Variants in CACNA2D2 observed in about 807,000 individuals in gnomAD.
The protein encoded by CACNA2D2 is calcium voltage-gated channel auxiliary subunit alpha2delta 2.
Under a neutral mutation model 166.4 loss-of-function variants are expected in CACNA2D2, and 48 were observed. The observed-to-expected ratio is 0.29, with a 90% CI of 0.23 to 0.37. CACNA2D2 has a LOEUF of 0.37. CACNA2D2 is among the 10% of genes least tolerant of loss of function. The pLI, the probability that CACNA2D2 is intolerant of heterozygous loss-of-function variation, is 1.00. For missense variants in CACNA2D2, 1,122 were observed against 1,433.0 expected (o/e 0.78, Z 3.50); for synonymous variants, 561 against 573.7 (o/e 0.98, Z 0.32).
At chr3:50,468,566 G>A (rs1315798729) in intron 2 of CACNA2D2, among the ~76,000 whole-genome samples, 2 of 152,090 alleles carry the variant, frequency 1.3e-5, no homozygotes, top group African/African-American at 4.8e-5. Context: ...TCCAGGCAGA[G>A]CAGTGCTGTC....
intron 3 of CACNA2D2, among the ~76,000 whole-genome samples, chr3:50,424,196 C>G (rs191365972): frequency 6.6e-6 from 1 of 152,316 alleles, no homozygotes; most frequent in East Asian, 1.9e-4. Context: ...ACCTTCTATG[C>G]TCTGGTTCTG....
In CACNA2D2 at chr3:50,478,776, A is replaced by G. The variant is rs557618912; in HGVS notation, c.207-2577T>C. The stretch of plus-strand genomic sequence containing the variant: ...AGCTGATTCTGTGCACCTCTTTCCA[A>G]CTCTGCATTTGGTACCATCACCTGA... On this transcript the variant is annotated intron_variant, in intron 1 of 37. Transcript: ENST00000424201. Among the ~76,000 whole-genome samples, 6 of 152,230 alleles carry G rather than the reference A, an allele frequency of 3.9e-5. No individual in the cohort carries two copies. In the East Asian group the frequency reaches 1.2e-3, roughly 29 times the overall value.
At chr3:50,461,699 TGC>T (rs995228070) in intron 2 of CACNA2D2, among the ~76,000 whole-genome samples, 3 of 140,746 alleles carry the variant, frequency 2.1e-5, no homozygotes, top group African/African-American at 8.0e-5. Context: ...AGGCAGAGGT[TGC>T]GGTGAGCCGA....
intron 3 of CACNA2D2, among the ~76,000 whole-genome samples, chr3:50,411,981 C>T (rs1287467063): frequency 6.6e-6 from 1 of 152,144 alleles, no homozygotes; most frequent in Non-Finnish European, 1.5e-5. Flanking sequence ...CCCCAAACAC[C>T]TTCCCATGGC....
intron 2 of CACNA2D2, among the ~76,000 whole-genome samples, chr3:50,445,304 G>A (rs1476905216): frequency 2.0e-5 from 3 of 152,202 alleles, no homozygotes; most frequent in African/African-American, 7.2e-5. Flanking sequence ...CAGGGTCCCA[G>A]GAGAGCCCAG....
chr3:50,495,262 G>A (rs970596122), intron 1 of CACNA2D2, among the ~76,000 whole-genome samples: 1 of 152,192 alleles, frequency 6.6e-6, no homozygotes, highest in East Asian at 1.9e-4. Context: ...CCAAGGAGAC[G>A]GTTGCACCCA....
At chr3:50,444,276 G>A (rs1708740882) in intron 2 of CACNA2D2, among the ~76,000 whole-genome samples, 1 of 152,226 alleles carries the variant, frequency 6.6e-6, no homozygotes, top group African/African-American at 2.4e-5. Context: ...TCATCTTACA[G>A]ATGAGGATAC....
At chr3:50,446,611 G>C (rs1431640322) in intron 2 of CACNA2D2, among the ~76,000 whole-genome samples, 1 of 152,154 alleles carries the variant, frequency 6.6e-6, no homozygotes, top group Non-Finnish European at 1.5e-5. Context: ...AAGTCAGCGG[G>C]GTCAGCTGAG....
At chr3:50,417,751 C>T (rs1665211469) in intron 3 of CACNA2D2, among the ~76,000 whole-genome samples, 2 of 152,204 alleles carry the variant, frequency 1.3e-5, no homozygotes, top group Non-Finnish European at 2.9e-5. Context: ...TGTCCTCTGG[C>T]ACCTATGACA....
Position 50,364,471 on chromosome 3 carries a change from G to A in CACNA2D2, c.*195C>T. The stretch of plus-strand genomic sequence containing the variant: ...ACAGTTCGGAGGTGAGATGTGATTT[G>A]GGTGCCAAACACCTGCGGCGTCCCG... On this transcript the variant is annotated 3_prime_UTR_variant, in exon 38 of 38. Coordinates refer to ENST00000424201, the MANE Select transcript of CACNA2D2 (RefSeq NM_006030.4). The A allele has an allele frequency of 1.6e-6, 1 of 638,504 alleles. No homozygotes were observed. The highest frequency in any genetic ancestry group is 3.1e-5 in the Admixed American group (1 of 31,914). The allele number at this position is 638,504 out of a possible 1,614,324, so 39.6% of individuals were successfully genotyped here.
At chr3:50,439,445 C>T in intron 2 of CACNA2D2, among the ~76,000 whole-genome samples, 1 of 152,266 alleles carries the variant, frequency 6.6e-6, no homozygotes, top group East Asian at 1.9e-4. Flanking sequence ...CTTGGCCCTG[C>T]TGCCAGCTGT....
In CACNA2D2 at chr3:50,363,430, G is replaced by A. The variant is rs1704034536; in HGVS notation, c.*1236C>T. 5.0e-6 allele frequency: 2 copies of A among 396,310 alleles called. No homozygotes were observed. The highest frequency in any genetic ancestry group is 2.9e-4 in the South Asian group (2 of 7,000). 24.5% of individuals were successfully genotyped at this position (396,310 alleles called of 1,614,324 possible). A position where few individuals can be genotyped will look rare whatever the true frequency, so the allele number is the denominator to read the frequency against. ...GGGATGCCTTTGGGGGAAATGACCA[G>A]AATGAATGGTGTGAAGAGCTGTGCC... On this transcript the variant is annotated 3_prime_UTR_variant, in exon 38 of 38. Coordinates refer to ENST00000424201, the MANE Select transcript of CACNA2D2 (RefSeq NM_006030.4).
intron 2 of CACNA2D2, among the ~76,000 whole-genome samples, chr3:50,444,718 A>G (rs1708762378): frequency 6.6e-6 from 1 of 152,250 alleles, no homozygotes; most frequent in Admixed American, 6.5e-5. Flanking sequence ...TGAGGCCCTC[A>G]GGCTGGCTGC....
intron 2 of CACNA2D2, among the ~76,000 whole-genome samples, chr3:50,457,251 AAAACAAAC>A (rs940141989): frequency 6.6e-5 from 10 of 152,110 alleles, no homozygotes; most frequent in Non-Finnish European, 1.5e-4. Flanking sequence ...CTCTGTCTCA[AAAACAAAC>A]AAACAAACAA....
chr3:50,399,954 G>A (rs1323276548), intron 3 of CACNA2D2, among the ~76,000 whole-genome samples: 1 of 152,168 alleles, frequency 6.6e-6, no homozygotes, highest in South Asian at 2.1e-4. Flanking sequence ...GGCCACGGGA[G>A]GGGACAAGTA....
At position 50,367,259 on chromosome 3, in the gene CACNA2D2, C is replaced by T; in HGVS notation, c.2401+135G>A. On this transcript the variant is annotated intron_variant, in intron 27 of 37. Transcript: ENST00000424201. This position sits in a 1 kb window ranked among gnomAD's most constrained non-coding sequence, Gnocchi z 6.5. ...ACAGTGTTTGGCACAGTCTATCCCTCTTTTCACGTCTGCCCTGGCCTCAGC... is the reference window on the plus strand; with the variant it reads ...ACAGTGTTTGGCACAGTCTATCCCTTTTTTCACGTCTGCCCTGGCCTCAGC... 9.9e-7 allele frequency: 1 copy of T among 1,006,312 alleles called. No individual in the cohort carries two copies. The highest frequency in any genetic ancestry group is 1.5e-6 in the Non-Finnish European group (1 of 654,474). 62.3% of individuals were successfully genotyped at this position (1,006,312 alleles called of 1,614,324 possible).
At position 50,403,079 on chromosome 3, in the gene CACNA2D2, A is replaced by T. The variant is rs1230248502; in HGVS notation, c.406-8911T>A. Among the ~76,000 whole-genome samples, 5 of 152,148 alleles carry T rather than the reference A, an allele frequency of 3.3e-5. No homozygotes were observed. In the East Asian group the frequency reaches 9.7e-4, roughly 29 times the overall value. On this transcript the variant is annotated intron_variant, in intron 3 of 37. Transcript: ENST00000424201. ...CAGAGGCCAAGGTACCCAAGTTCCTAGGGCTTGGCAATTGACCCAGCACAT... is the reference window on the plus strand; with the variant it reads ...CAGAGGCCAAGGTACCCAAGTTCCTTGGGCTTGGCAATTGACCCAGCACAT...
intron 3 of CACNA2D2, among the ~76,000 whole-genome samples, chr3:50,399,239 C>T (rs1706316175): frequency 6.6e-6 from 1 of 152,350 alleles, no homozygotes; most frequent in Non-Finnish European, 1.5e-5. Context: ...CCTCCCTGCC[C>T]AGTGCTGGTG....
intron 2 of CACNA2D2, among the ~76,000 whole-genome samples, chr3:50,462,495 T>C (rs1401372730): frequency 6.6e-6 from 1 of 151,678 alleles, no homozygotes; most frequent in Non-Finnish European, 1.5e-5. Flanking sequence ...AACTAAAAAA[T>C]TGTATCCAAA....
Sources: gnomAD v4.1 joint callset for allele counts (sites outside exome capture counted in the v4.1 genomes callset) on GRCh38, gnomAD v4.1.1 for gene constraint, Gnocchi (gnomAD v3.1) non-coding constraint, MANE v1.5 for transcripts, NCBI Gene and HGNC (gene_info 2026-07-23, HGNC 2026-07-21) for gene names.